Variants in RAB3C observed in about 807,000 individuals in gnomAD.
The protein encoded by RAB3C is ras-related protein Rab-3C.
RAB3C carries 17 observed loss-of-function variants against 26.4 expected under a neutral mutation model. That is an observed-to-expected ratio of 0.64 (90% CI 0.44 to 0.97). The LOEUF is 0.97. Among genes scored for constraint, RAB3C ranks in the 50% least tolerant of loss-of-function variants. The probability of loss-of-function intolerance (pLI) is 0.00; values close to 1 mark genes in which losing one functional copy is unlikely to be tolerated. For missense variants in RAB3C, 242 were observed against 281.9 expected (o/e 0.86, Z 1.01); for synonymous variants, 91 against 95.9 (o/e 0.95, Z 0.30).
chr5:58,659,843 G>A (rs547444249), intron 2 of RAB3C, among the ~76,000 whole-genome samples: 26 of 152,088 alleles, frequency 1.7e-4, no homozygotes, highest in African/African-American at 5.8e-4. Context: ...TGGCTCTATC[G>A]CCCAGGCTGG....
At position 58,613,507 on chromosome 5, in the gene RAB3C, G is replaced by C. The variant is rs148589749; in HGVS notation, c.25-4136G>C. Among the ~76,000 whole-genome samples the C allele has an allele frequency of 2.7e-3, 414 of 152,174 alleles. 1 individual carries two copies. The highest frequency in any genetic ancestry group is 9.4e-3 in the African/African-American group (389 of 41,548). On this transcript the variant is annotated intron_variant, in intron 1 of 4. Transcript: ENST00000282878. ...AACTAATATTTTTGATGAAGGGATT[G>C]TCAGATCACAATTGAATTGTAAATC...
At chr5:58,809,387 A>G (rs1214477775) in intron 3 of RAB3C, among the ~76,000 whole-genome samples, 7 of 33,110 alleles carry the variant, frequency 2.1e-4, no homozygotes, top group African/African-American at 5.1e-4. Flanking sequence ...TTTTCTCAGA[A>G]AAAAAAAAAA....
chr5:58,737,379 T>C (rs1741163263), intron 3 of RAB3C, among the ~76,000 whole-genome samples: 2 of 134,240 alleles, frequency 1.5e-5, no homozygotes, highest in South Asian at 2.5e-4. Flanking sequence ...TTTCACAGCA[T>C]TTATCACCCT....
intron 2 of RAB3C, among the ~76,000 whole-genome samples, chr5:58,654,871 G>T (rs981973068): frequency 2.0e-5 from 3 of 152,146 alleles, no homozygotes; most frequent in African/African-American, 7.2e-5. Flanking sequence ...ATCCCAGGTA[G>T]TGGGGATATA....
chr5:58,603,206 T>C (rs158960), intron 1 of RAB3C, among the ~76,000 whole-genome samples: 8,724 of 152,246 alleles, frequency 0.057, 324 homozygotes, highest in African/African-American at 0.1. Flanking sequence ...AGGTTTTCCT[T>C]TATAGGTTAC....
intron 2 of RAB3C, among the ~76,000 whole-genome samples, chr5:58,618,978 T>C (rs1265204779): frequency 6.6e-6 from 1 of 151,872 alleles, no homozygotes; most frequent in Non-Finnish European, 1.5e-5. Context: ...AATCGCAGAG[T>C]AGAGGATTTT....
At chr5:58,783,768 T>A (rs1400381896) in intron 3 of RAB3C, among the ~76,000 whole-genome samples, 1 of 152,236 alleles carries the variant, frequency 6.6e-6, no homozygotes, top group East Asian at 1.9e-4. Context: ...TCTCCCTTCT[T>A]CTTTCCTTCC....
chr5:58,714,867 G>A (rs150457632), intron 2 of RAB3C, among the ~76,000 whole-genome samples: 4 of 151,930 alleles, frequency 2.6e-5, no homozygotes, highest in East Asian at 3.9e-4. Flanking sequence ...CAGACCAAAT[G>A]TCATAGAACA....
At chr5:58,588,062 T>C (rs1746048644) in intron 1 of RAB3C, among the ~76,000 whole-genome samples, 1 of 152,202 alleles carries the variant, frequency 6.6e-6, no homozygotes, top group South Asian at 2.1e-4. Flanking sequence ...CTGAATATTA[T>C]ACTTTTAAAA....
intron 2 of RAB3C, among the ~76,000 whole-genome samples, chr5:58,686,320 T>C (rs1025919083): frequency 7.2e-5 from 11 of 152,074 alleles, no homozygotes; most frequent in Admixed American, 7.2e-4. Flanking sequence ...AGCATTTAGA[T>C]ACACTAGTAT....
At chr5:58,848,171 A>G (rs1354647885) in intron 4 of RAB3C, among the ~76,000 whole-genome samples, 2 of 152,188 alleles carry the variant, frequency 1.3e-5, no homozygotes, top group Non-Finnish European at 2.9e-5. Context: ...AAATTTTTAT[A>G]TCTATAAATC....
intron 2 of RAB3C, among the ~76,000 whole-genome samples, chr5:58,639,926 G>T (rs1747378142): frequency 6.6e-6 from 1 of 152,122 alleles, no homozygotes; most frequent in Admixed American, 6.6e-5. Flanking sequence ...CTTCCCCAGT[G>T]ATGTTTCATT....
At chr5:58,611,492 C>CT (rs1420512925) in intron 1 of RAB3C, among the ~76,000 whole-genome samples, 1 of 152,006 alleles carries the variant, frequency 6.6e-6, no homozygotes, top group Non-Finnish European at 1.5e-5. Flanking sequence ...TGATGTTGAC[C>CT]TTTTTTTCAT....
At chr5:58,731,291 C>T (rs1348647056) in intron 3 of RAB3C, among the ~76,000 whole-genome samples, 1 of 152,094 alleles carries the variant, frequency 6.6e-6, no homozygotes, top group Non-Finnish European at 1.5e-5. Context: ...AAATTATCCT[C>T]TTTGGCCAAA....
intron 4 of RAB3C, among the ~76,000 whole-genome samples, chr5:58,826,629 A>C (rs1743488350): frequency 6.6e-6 from 1 of 152,176 alleles, no homozygotes; most frequent in Admixed American, 6.5e-5. Context: ...AACTTCTGTA[A>C]AACAAAAGTT....
intron 3 of RAB3C, among the ~76,000 whole-genome samples, chr5:58,785,455 T>G (rs1737480220): frequency 1.3e-5 from 2 of 152,368 alleles, no homozygotes; most frequent in South Asian, 4.1e-4. Context: ...ATATTACCTC[T>G]GTACAAATAT....
At chr5:58,798,090 T>C (rs59653748) in intron 3 of RAB3C, among the ~76,000 whole-genome samples, 100,282 of 151,472 alleles carry the variant, frequency 0.66, 34,735 homozygotes, top group Non-Finnish European at 0.78. Context: ...AGAACATACT[T>C]GGCGGGGGGG....
intron 1 of RAB3C, among the ~76,000 whole-genome samples, chr5:58,601,773 T>C (rs955264293): frequency 1.3e-5 from 2 of 152,272 alleles, no homozygotes; most frequent in African/African-American, 4.8e-5. Flanking sequence ...CTATCAATTT[T>C]ATTTATCTTT....
chr5:58,652,356 A>C (rs1256382503), intron 2 of RAB3C, among the ~76,000 whole-genome samples: 2 of 151,882 alleles, frequency 1.3e-5, no homozygotes, highest in Non-Finnish European at 2.9e-5. Context: ...GATCACCATT[A>C]ATATAGTGTC....
Sources: allele counts gnomAD v4.1 joint callset (sites outside exome capture counted in the v4.1 genomes callset), GRCh38; gene constraint gnomAD v4.1.1; transcripts MANE v1.5; gene names NCBI Gene and HGNC (gene_info 2026-07-23, HGNC 2026-07-21).